CCL17: variants seen among roughly 807,000 people sequenced by gnomAD.
CCL17 encodes C-C motif chemokine 17.
CCL17 carries 8 observed loss-of-function variants against 7.4 expected under a neutral mutation model. The ratio of observed to expected loss-of-function variants is 1.09; its 90% CI spans 0.64 to 1.96. CCL17 has a LOEUF of 1.96. Among genes scored for constraint, CCL17 ranks in the 30% most tolerant of loss-of-function variants. The probability of loss-of-function intolerance (pLI) is 0.00; values close to 1 mark genes in which losing one functional copy is unlikely to be tolerated. For missense variants in CCL17, 102 were observed against 113.0 expected (o/e 0.90, Z 0.44); for synonymous variants, 40 against 46.1 (o/e 0.87, Z 0.54).
chr16:57,398,102 A>G, the CCL17 span, among the ~76,000 whole-genome samples: 15 of 152,164 alleles, frequency 9.9e-5, no homozygotes, highest in Admixed American at 4.6e-4. Context: ...AAGGAGTAGC[A>G]CCTGGTATCT....
chr16:57,401,439 G>A (rs1345533374), upstream of CCL17, among the ~76,000 whole-genome samples: 1 of 151,310 alleles, frequency 6.6e-6, no homozygotes, highest in Admixed American at 6.6e-5. Flanking sequence ...TGGGAGAGTC[G>A]CTTGAACCCT....
the CCL17 span, among the ~76,000 whole-genome samples, chr16:57,396,817 G>A: frequency 7.2e-5 from 11 of 152,182 alleles, no homozygotes; most frequent in African/African-American, 2.7e-4. Flanking sequence ...GGGCAGTCCT[G>A]ATAACAGGTT....
chr16:57,398,561 G>A, the CCL17 span, among the ~76,000 whole-genome samples: 2 of 152,138 alleles, frequency 1.3e-5, no homozygotes, highest in Non-Finnish European at 2.9e-5. Context: ...ATCCATAGTT[G>A]GCAAAAGCCA....
chr16:57,396,148 A>G, the CCL17 span, among the ~76,000 whole-genome samples: 6 of 152,188 alleles, frequency 3.9e-5, no homozygotes, highest in African/African-American at 9.7e-5. Context: ...TCCTAACCCT[A>G]TAAGTAGGGG....
intron 1 of CCL17, among the ~76,000 whole-genome samples, chr16:57,410,132 T>A (rs966623648): frequency 1.8e-4 from 27 of 152,274 alleles, no homozygotes; most frequent in African/African-American, 6.0e-4. Context: ...TTGGCTGCCC[T>A]GTGACTGAGA....
At chr16:57,400,564 C>G (rs994184019), upstream of CCL17, among the ~76,000 whole-genome samples, 4 of 151,930 alleles carry the variant, frequency 2.6e-5, no homozygotes, top group Non-Finnish European at 4.4e-5. Context: ...GCTTTAAGAC[C>G]AGAAGGGTCA....
At chr16:57,403,628 T>TTA (rs538555847), upstream of CCL17, among the ~76,000 whole-genome samples, 8 of 80,236 alleles carry the variant, frequency 1.0e-4, no homozygotes, top group East Asian at 2.6e-3. Flanking sequence ...ATAATATATA[T>TTA]TATATATATT....
upstream of CCL17, among the ~76,000 whole-genome samples, chr16:57,400,878 G>A (rs759645396): frequency 2.4e-4 from 37 of 151,802 alleles, no homozygotes; most frequent in Admixed American, 1.8e-3. Context: ...CTGAGGAAGG[G>A]GAATCACTTG....
At chr16:57,412,679 C>T (rs1941080547) in intron 1 of CCL17, among the ~76,000 whole-genome samples, 1 of 152,118 alleles carries the variant, frequency 6.6e-6, no homozygotes, top group African/African-American at 2.4e-5. Flanking sequence ...AGGCCAAGGT[C>T]CCCCATGTCA....
intron 1 of CCL17, among the ~76,000 whole-genome samples, chr16:57,407,987 A>T (rs1041575771): frequency 7.4e-5 from 11 of 149,314 alleles, no homozygotes; most frequent in African/African-American, 2.5e-4. Context: ...CTATCCATCC[A>T]TTCTTCCATC....
At chr16:57,400,529 C>CA (rs1446948849), upstream of CCL17, among the ~76,000 whole-genome samples, 4 of 151,696 alleles carry the variant, frequency 2.6e-5, no homozygotes, top group African/African-American at 9.7e-5. Flanking sequence ...AGAAGGAACC[C>CA]AGATAAAGCA....
intron 1 of CCL17, among the ~76,000 whole-genome samples, chr16:57,409,418 G>A (rs1902750088): frequency 6.6e-6 from 1 of 152,196 alleles, no homozygotes; most frequent in Non-Finnish European, 1.5e-5. Context: ...GTTGAGCCTG[G>A]AGAAGTAGGC....
upstream of CCL17, among the ~76,000 whole-genome samples, chr16:57,403,540 A>AT (rs1902642063): frequency 3.0e-5 from 1 of 32,886 alleles, no homozygotes; most frequent in African/African-American, 2.4e-4. Flanking sequence ...TATATATTAT[A>AT]AATATATATT....
At chr16:57,398,086 T>A in the CCL17 span, among the ~76,000 whole-genome samples, 2 of 152,198 alleles carry the variant, frequency 1.3e-5, no homozygotes, top group East Asian at 1.9e-4. Context: ...GAAGCACCGG[T>A]CCCTCAAGGA....
upstream of CCL17, among the ~76,000 whole-genome samples, chr16:57,403,211 A>ATG: frequency 1.1e-4 from 1 of 9,518 alleles, no homozygotes; most frequent in Admixed American, 2.7e-3. Context: ...TATAATATAT[A>ATG]TAATATATAT....
upstream of CCL17, among the ~76,000 whole-genome samples, chr16:57,400,262 GCTA>G (rs1258454901): frequency 6.6e-6 from 1 of 152,070 alleles, no homozygotes; most frequent in Non-Finnish European, 1.5e-5. Flanking sequence ...GGGAGGCTGA[GCTA>G]GGAGAATGGC....
At chr16:57,396,900 A>G in the CCL17 span, among the ~76,000 whole-genome samples, 3 of 152,242 alleles carry the variant, frequency 2.0e-5, no homozygotes, top group East Asian at 1.9e-4. Context: ...TGGTTTTTTC[A>G]TTGCTTGTGT....
chr16:57,403,853 C>T (rs1221477541), upstream of CCL17, among the ~76,000 whole-genome samples: 1 of 149,834 alleles, frequency 6.7e-6, no homozygotes, highest in Admixed American at 6.8e-5. Flanking sequence ...GATGGGATTT[C>T]ACCATGTTGG....
chr16:57,398,467 C>T, the CCL17 span, among the ~76,000 whole-genome samples: 1 of 152,184 alleles, frequency 6.6e-6, no homozygotes, highest in Non-Finnish European at 1.5e-5. Flanking sequence ...CTGTTTCTGC[C>T]TCTGGTTCCC....
Sources: allele counts gnomAD v4.1 joint callset (sites outside exome capture counted in the v4.1 genomes callset), GRCh38; gene constraint gnomAD v4.1.1; transcripts MANE v1.5; gene names NCBI Gene and HGNC (gene_info 2026-07-23, HGNC 2026-07-21).